The following PRR16 variants were observed in gnomAD, a reference collection of about 807,000 sequenced individuals.
The protein encoded by PRR16 is proline rich 16.
Under a neutral mutation model 18.2 loss-of-function variants are expected in PRR16, and 6 were observed. That is an observed-to-expected ratio of 0.33 (90% CI 0.18 to 0.65). The LOEUF is 0.65. PRR16 is among the 30% of genes least tolerant of loss of function. The pLI is 0.74. For synonymous variants in PRR16, 151 were observed against 147.8 expected (o/e 1.02, Z -0.16); for missense variants, 412 against 376.6 (o/e 1.09, Z -0.78).
intron 1 of PRR16, among the ~76,000 whole-genome samples, chr5:120,627,146 T>C (rs2112832011): frequency 6.6e-6 from 1 of 152,260 alleles, no homozygotes; most frequent in African/African-American, 2.4e-5. Context: ...ATGCAGGGCA[T>C]TCATTTTTTA....
intron 1 of PRR16, among the ~76,000 whole-genome samples, chr5:120,588,202 G>T (rs111636683): frequency 1.3e-5 from 2 of 152,102 alleles, no homozygotes; most frequent in African/African-American, 4.8e-5. Flanking sequence ...ATCTACTTCT[G>T]GTGAAAATGT....
At chr5:120,596,833 T>C (rs953184673) in intron 1 of PRR16, among the ~76,000 whole-genome samples, 3 of 151,740 alleles carry the variant, frequency 2.0e-5, no homozygotes, top group African/African-American at 4.8e-5. Flanking sequence ...TAAAATTCTG[T>C]CTGGTTTGTA....
chr5:120,589,822 G>T (rs1030216002), intron 1 of PRR16, among the ~76,000 whole-genome samples: 9 of 152,062 alleles, frequency 5.9e-5, no homozygotes, highest in Non-Finnish European at 1.3e-4. Flanking sequence ...TTCAAGATGA[G>T]ATTTGGGTGG....
chr5:120,547,324 A>C (rs75225429), intron 1 of PRR16, among the ~76,000 whole-genome samples: 3,892 of 152,166 alleles, frequency 0.026, 203 homozygotes, highest in African/African-American at 0.089. Context: ...TAGAGTCTTA[A>C]ATCCTTTATT....
At chr5:120,588,210 T>C (rs1414676636) in intron 1 of PRR16, among the ~76,000 whole-genome samples, 1 of 152,222 alleles carries the variant, frequency 6.6e-6, no homozygotes, top group African/African-American at 2.4e-5. Context: ...CTGGTGAAAA[T>C]GTTGTGAACA....
chr5:120,607,736 G>A (rs192714606), intron 1 of PRR16, among the ~76,000 whole-genome samples: 22 of 152,196 alleles, frequency 1.4e-4, no homozygotes, highest in Admixed American at 1.4e-3. Context: ...GGTTGTTTGT[G>A]GTGGTGGTGC....
At chr5:120,538,713 AAAG>A (rs1370063699) in intron 1 of PRR16, among the ~76,000 whole-genome samples, 3 of 152,160 alleles carry the variant, frequency 2.0e-5, no homozygotes, top group Non-Finnish European at 2.9e-5. Flanking sequence ...TTGCAGAAAA[AAAG>A]AAGGTTGTCC....
At chr5:120,648,765 G>C (rs1179161449) in intron 1 of PRR16, among the ~76,000 whole-genome samples, 1 of 152,086 alleles carries the variant, frequency 6.6e-6, no homozygotes, top group Non-Finnish European at 1.5e-5. Context: ...TTTTTGAGGT[G>C]GGAAGGCAAA....
chr5:120,558,832 A>T (rs1373759677), intron 1 of PRR16, among the ~76,000 whole-genome samples: 9 of 151,746 alleles, frequency 5.9e-5, no homozygotes, highest in Non-Finnish European at 1.3e-4. Flanking sequence ...TTTGGATAAA[A>T]CCATTTCAAC....
At chr5:120,557,434 A>G (rs1752450839) in intron 1 of PRR16, among the ~76,000 whole-genome samples, 1 of 151,802 alleles carries the variant, frequency 6.6e-6, no homozygotes, top group Non-Finnish European at 1.5e-5. Context: ...CTTACATGAT[A>G]TTTGATTTTA....
At chr5:120,778,628 C>T in the PRR16 span, among the ~76,000 whole-genome samples, 1 of 152,080 alleles carries the variant, frequency 6.6e-6, no homozygotes, top group Non-Finnish European at 1.5e-5. Flanking sequence ...CAGAATTTAA[C>T]GTGATTGTAT....
intron 1 of PRR16, among the ~76,000 whole-genome samples, chr5:120,485,934 A>G (rs1749784150): frequency 6.6e-6 from 1 of 152,144 alleles, no homozygotes; most frequent in Non-Finnish European, 1.5e-5. Context: ...TTTGCTGAGA[A>G]TGATGGTTTC....
chr5:120,753,997 AATAT>A, the PRR16 span, among the ~76,000 whole-genome samples: 4 of 120,740 alleles, frequency 3.3e-5, no homozygotes, highest in Non-Finnish European at 3.3e-5. Context: ...TAACATATAT[AATAT>A]ATATATTATA....
chr5:120,735,147 A>G, the PRR16 span, among the ~76,000 whole-genome samples: 1 of 152,216 alleles, frequency 6.6e-6, no homozygotes, highest in Non-Finnish European at 1.5e-5. Context: ...TCGCTTAGCA[A>G]GAGGTCCTCA....
At chr5:120,530,814 G>A (rs1400852097) in intron 1 of PRR16, among the ~76,000 whole-genome samples, 2 of 152,102 alleles carry the variant, frequency 1.3e-5, no homozygotes, top group Admixed American at 1.3e-4. Context: ...ATCACCCAGG[G>A]TGGAAGTTTC....
the PRR16 span, among the ~76,000 whole-genome samples, chr5:120,769,793 C>A: frequency 1.3e-5 from 2 of 151,840 alleles, no homozygotes; most frequent in Non-Finnish European, 2.9e-5. Context: ...ATACTCTTTT[C>A]TCTAATGACT....
chr5:120,554,931 A>C (rs1025135753), intron 1 of PRR16, among the ~76,000 whole-genome samples: 2 of 151,930 alleles, frequency 1.3e-5, no homozygotes, highest in South Asian at 4.1e-4. Context: ...AGGGGAAGGC[A>C]TGAGAGAGAC....
intron 1 of PRR16, among the ~76,000 whole-genome samples, chr5:120,574,979 AT>A (rs1387815782): frequency 6.7e-6 from 1 of 148,906 alleles, no homozygotes; most frequent in Non-Finnish European, 1.5e-5. Context: ...TGGTCTAGAA[AT>A]AGGTGAGTGC....
At chr5:120,596,258 C>T (rs537682188) in intron 1 of PRR16, among the ~76,000 whole-genome samples, 1 of 151,114 alleles carries the variant, frequency 6.6e-6, no homozygotes, top group South Asian at 2.1e-4. Context: ...TTTTTCTTTT[C>T]CTACATAAGG....
Sources: gnomAD v4.1 joint callset for allele counts (sites outside exome capture counted in the v4.1 genomes callset) on GRCh38, gnomAD v4.1.1 for gene constraint, MANE v1.5 for transcripts, NCBI Gene and HGNC (gene_info 2026-07-23, HGNC 2026-07-21) for gene names.